Variants in KCNH6 observed in about 807,000 individuals in gnomAD.
KCNH6 encodes the protein voltage-gated inwardly rectifying potassium channel KCNH6.
Under a neutral mutation model 83.4 loss-of-function variants are expected in KCNH6, and 81 were observed. That is an observed-to-expected ratio of 0.97 (90% CI 0.81 to 1.17). The LOEUF is 1.17. Ranked by LOEUF, KCNH6 falls within the 50% of genes most tolerant of loss-of-function variation. The pLI is 0.00. For missense variants in KCNH6, 1,203 were observed against 1,290.5 expected (o/e 0.93, Z 1.04); for synonymous variants, 503 against 545.6 (o/e 0.92, Z 1.09).
intron 4 of KCNH6, among the ~76,000 whole-genome samples, chr17:63,532,310 G>A (rs1224541345): frequency 6.6e-6 from 1 of 152,202 alleles, no homozygotes; most frequent in Non-Finnish European, 1.5e-5. Context: ...TGATGCCCAG[G>A]GTGTGACGGC....
chr17:63,544,995 G>A, intron 11 of KCNH6, 83 bp from the exon 12 acceptor site: 2 of 1,375,314 alleles, frequency 1.5e-6, no homozygotes, highest in Non-Finnish European at 2.0e-6. Flanking sequence ...AGCAGGAACA[G>A]CACGCAGGCT....
In KCNH6 at chr17:63,530,079, T is replaced by G. The variant is rs80311894; in HGVS notation, c.308-12T>G. Reference sequence around the variant, plus strand: ...CAGGGCCCACCCCCCATCCTCCCAATGGTGTTCGCAGCCTCCAGCTTCCGC... The same window carrying G: ...CAGGGCCCACCCCCCATCCTCCCAAGGGTGTTCGCAGCCTCCAGCTTCCGC... On this transcript the variant is annotated splice_polypyrimidine_tract_variant and intron_variant, in intron 2 of 12. Coordinates refer to ENST00000314672, the MANE Select transcript of KCNH6 (RefSeq NM_001278919.2). 0.041 allele frequency: 65,715 copies of G among 1,612,106 alleles called. 1,585 individuals are homozygous for G. The highest frequency in any genetic ancestry group is 0.045 in the Non-Finnish European group (53,481 of 1,179,560).
chr17:63,545,933 G>T lies in KCNH6; in HGVS notation c.*31G>T. 1 of 1,603,098 alleles carries T rather than the reference G, an allele frequency of 6.2e-7. No homozygotes were observed. The highest frequency in any genetic ancestry group is 8.5e-7 in the Non-Finnish European group (1 of 1,172,920). On this transcript the variant is annotated 3_prime_UTR_variant, in exon 13 of 13. Coordinates refer to ENST00000314672, the MANE Select transcript of KCNH6 (RefSeq NM_001278919.2). The stretch of plus-strand genomic sequence containing the variant: ...AAGATAAAGACACCATGAGGGGACT[G>T]AAGGTGGGCAAGGTGAGAGTTAAGG...
At chr17:63,531,843 G>A (rs79475171) in intron 4 of KCNH6, among the ~76,000 whole-genome samples, 4,866 of 152,260 alleles carry the variant, frequency 0.032, 278 homozygotes, top group African/African-American at 0.11. Context: ...CTGCCTACCC[G>A]TTTGTTCCTC....
In KCNH6 at chr17:63,534,512, C is replaced by T. The variant is rs2147673796; in HGVS notation, c.1101+201C>T. Among the ~76,000 whole-genome samples the T allele has an allele frequency of 6.6e-6, 1 of 152,286 alleles. No individual in the cohort carries two copies. Among genetic ancestry groups the T allele is most frequent in the South Asian group, 2.1e-4 (1 of 4,832 alleles). On this transcript the variant is annotated intron_variant, in intron 5 of 12. Coordinates refer to ENST00000314672, the MANE Select transcript of KCNH6 (RefSeq NM_001278919.2). This position sits in a 1 kb window ranked among gnomAD's most constrained non-coding sequence, Gnocchi z 5.0. ...GACCTGCCAAGGCTGCACCCCCAGG[C>T]CTCTGTCCCTCTGCCCCCTCTCTGA...
rs368030494 is a variant in KCNH6, at chr17:63,524,198, G to A, written c.136G>A (p.Asp46Asn). 14 of 1,614,052 alleles carry A rather than the reference G, an allele frequency of 8.7e-6. No individual in the cohort carries two copies. The highest frequency in any genetic ancestry group is 1.6e-4 in the Middle Eastern group (1 of 6,084). Residue 46 changes from aspartate to asparagine, a missense_variant, in exon 2 of 13, where the codon GAC becomes AAC. Asp to Asn is a conservative substitution (Grantham distance 23). Coordinates refer to ENST00000314672, the MANE Select transcript of KCNH6 (RefSeq NM_001278919.2). ...MENCAIIYCN[D>N]GFCELFGYSR... is the part of the protein sequence containing the mutation. ...GAACTGCGCCATCATTTACTGCAAC[G>A]ACGGCTTCTGCGAACTCTTCGGCTA...
chr17:63,537,936 C>G, intron 6 of KCNH6, 129 bp from the exon 7 acceptor site: 1 of 899,562 alleles, frequency 1.1e-6, no homozygotes, highest in Non-Finnish European at 1.7e-6. Context: ...GTCCTGGTCA[C>G]TCCTGACTTC....
chr17:63,544,259 T>C lies in KCNH6; in HGVS notation c.2244T>C (p.Pro748=). 6.3e-7 allele frequency: 1 copy of C among 1,579,098 alleles called. No homozygotes were observed. Among genetic ancestry groups the C allele is most frequent in the Non-Finnish European group, 8.6e-7 (1 of 1,160,352 alleles). The change falls in exon 11 of 13, where the codon CCT becomes CCC. Residue 748 remains proline (P), a synonymous_variant. Transcript: ENST00000314672. ...FLSDNQSDAA[P]PLSISDASGL... ...CTTTCCCTCCTGCAGATGCAGCCCC[T>C]CCCCTGAGCATCTCAGATGCATCTG...
rs1418329781 is a variant in KCNH6 at position 63,533,489 on chromosome 17, A to G, written c.676-397A>G. Among the ~76,000 whole-genome samples the G allele has an allele frequency of 6.6e-6, 1 of 152,006 alleles. No homozygotes were observed. Among genetic ancestry groups the G allele is most frequent in the African/African-American group, 2.4e-5 (1 of 41,362 alleles). ...ATAGGGAGCCTCCTAAGCTCACCAG[A>G]GAGGATCAGCCCATCAGCTACCCCT... On this transcript the variant is annotated intron_variant, in intron 4 of 12. Transcript: ENST00000314672. This position sits in a 1 kb window ranked among gnomAD's most constrained non-coding sequence, Gnocchi z 4.1.
Position 63,524,141 on chromosome 17 carries a change from C to T in KCNH6, c.79C>T (p.Arg27Trp), listed in dbSNP as rs374126028. The T allele has an allele frequency of 1.7e-5, 27 of 1,611,624 alleles. No homozygotes were observed. The highest frequency in any genetic ancestry group is 3.3e-5 in the South Asian group (3 of 91,026). ...TIIRKFEGQSRKFLIANAQME... is the reference protein window; with the variant it reads ...TIIRKFEGQSWKFLIANAQME... ...TTGCCTCCCACCTCCCACCCCAGGTCGGAAGTTCCTGATTGCCAATGCTCA... is the reference window on the plus strand; with the variant it reads ...TTGCCTCCCACCTCCCACCCCAGGTTGGAAGTTCCTGATTGCCAATGCTCA... Residue 27 changes from arginine to tryptophan, a missense_variant and splice_region_variant, in exon 2 of 13, where the codon CGG (arginine) becomes TGG (tryptophan). By Grantham distance (101) the Arg-to-Trp change is moderately radical (BLOSUM62 -3). Coordinates refer to ENST00000314672, the MANE Select transcript of KCNH6 (RefSeq NM_001278919.2).
chr17:63,547,465 C>CTGTTGT (rs2033171144), downstream of KCNH6, among the ~76,000 whole-genome samples: 1 of 188 alleles, frequency 5.3e-3, no homozygotes, highest in Non-Finnish European at 0.013. Context: ...CCCATTTCTA[C>CTGTTGT]CCAAATAGCA....
intron 3 of KCNH6, 37 bp from the exon 4 acceptor site, chr17:63,530,300 T>A: frequency 6.2e-7 from 1 of 1,613,910 alleles, no homozygotes; most frequent in Non-Finnish European, 8.5e-7. Flanking sequence ...GAGGGTCCCC[T>A]GGCCGTGGCT....
At position 63,524,326 on chromosome 17, in the gene KCNH6, G is replaced by A; in HGVS notation, c.264G>A (p.Gly88=). 1.9e-6 allele frequency: 3 copies of A among 1,613,882 alleles called. No individual in the cohort carries two copies. Among genetic ancestry groups the A allele is most frequent in the Non-Finnish European group, 2.5e-6 (3 of 1,180,008 alleles). The change falls in exon 2 of 13, where the codon GGG becomes GGA. Residue 88 remains glycine (G), a synonymous_variant. Transcript: ENST00000314672. ...AVSRLAQALL[G]AEECKVDILY... ...CCCGCCTAGCGCAGGCCCTGCTGGG[G>A]GCTGAGGAGTGCAAGGTGGACATCC...
intron 6 of KCNH6, among the ~76,000 whole-genome samples, chr17:63,536,638 C>T (rs764496943): frequency 6.1e-5 from 9 of 148,308 alleles, no homozygotes; most frequent in East Asian, 2.0e-4. Context: ...AGTGAGACTC[C>T]GTCTCAAAAA....
chr17:63,527,797 G>T (rs529172771), intron 2 of KCNH6, among the ~76,000 whole-genome samples: 5 of 152,102 alleles, frequency 3.3e-5, no homozygotes, highest in Non-Finnish European at 7.4e-5. Flanking sequence ...GACAACCTGG[G>T]GCAGGGGGAG....
Position 63,538,118 on chromosome 17 carries a change from T to C in KCNH6, c.1555T>C (p.Tyr519His), listed in dbSNP as rs1234088892. The change falls in exon 7 of 13, where the codon TAC becomes CAC. Residue 519 changes from tyrosine (Y) to histidine (H), a missense_variant. Tyr to His is a moderately conservative substitution (Grantham distance 83). Transcript: ENST00000314672. The surrounding 1 kb of genome is among the most constrained non-coding windows in gnomAD (Gnocchi z 4.0). ...CGTGTCCGCGATCATCCAGCGCCTG[T>C]ACTCGGGCACCGCGCGCTACCACAC... ...GNVSAIIQRL[Y>H]SGTARYHTQM... The C allele has an allele frequency of 6.2e-7, 1 of 1,614,114 alleles. No individual in the cohort carries two copies. Among genetic ancestry groups the C allele is most frequent in the African/African-American group, 1.3e-5 (1 of 75,054 alleles).
chr17:63,533,886 G>A lies in KCNH6; in HGVS notation c.676G>A (p.Val226Ile), dbSNP rs1287431816. Residue 226 changes from valine (V) to isoleucine (I), a missense_variant and splice_region_variant, in exon 5 of 13, where the codon GTC (valine) becomes ATC (isoleucine). Transcript: ENST00000314672. The surrounding 1 kb of genome is among the most constrained non-coding windows in gnomAD (Gnocchi z 4.1). ...GACCTCCCTCGGCCCCCACCCCCAGGTCCTGTCCCTGGGCGCGGATGTGCT... is the reference window on the plus strand; with the variant it reads ...GACCTCCCTCGGCCCCCACCCCCAGATCCTGTCCCTGGGCGCGGATGTGCT... ...TQNVTEKVTQVLSLGADVLPE... is the reference protein window; with the variant it reads ...TQNVTEKVTQILSLGADVLPE... The A allele has an allele frequency of 6.2e-7, 1 of 1,611,548 alleles. No homozygotes were observed. The highest frequency in any genetic ancestry group is 8.5e-7 in the Non-Finnish European group (1 of 1,178,986).
chr17:63,529,745 T>C (rs1430627318), intron 2 of KCNH6, among the ~76,000 whole-genome samples: 1 of 152,172 alleles, frequency 6.6e-6, no homozygotes, highest in African/African-American at 2.4e-5. Context: ...ATGCCCAGCC[T>C]CACCTCCCCA....
At chr17:63,541,770 C>A (rs955235791) in intron 8 of KCNH6, among the ~76,000 whole-genome samples, 1 of 152,216 alleles carries the variant, frequency 6.6e-6, no homozygotes, top group Non-Finnish European at 1.5e-5. Context: ...GGTTACCTGG[C>A]CCCACAATTG....
Sources: allele counts gnomAD v4.1 joint callset (sites outside exome capture counted in the v4.1 genomes callset), GRCh38; gene constraint gnomAD v4.1.1; non-coding constraint Gnocchi (gnomAD v3.1); transcripts MANE v1.5; gene names NCBI Gene and HGNC (gene_info 2026-07-23, HGNC 2026-07-21).